The following PALM2AKAP2 variants were observed in gnomAD, a reference collection of about 807,000 sequenced individuals.
PALM2AKAP2 encodes the protein PALM2 and AKAP2 fusion.
Under a neutral mutation model 71.5 loss-of-function variants are expected in PALM2AKAP2, and 37 were observed. The ratio of observed to expected loss-of-function variants is 0.52; its 90% confidence interval spans 0.40 to 0.68. PALM2AKAP2 has a LOEUF of 0.68. Among genes scored for constraint, PALM2AKAP2 ranks in the 30% least tolerant of loss-of-function variants. PALM2AKAP2 has a pLI of 0.00. For missense variants in PALM2AKAP2, 1,224 were observed against 1,191.8 expected, an observed-to-expected ratio of 1.03 and a Z score of -0.40; for synonymous variants, 468 against 478.8, an observed-to-expected ratio of 0.98 and a Z score of 0.29.
At chr9:109,845,031 G>A (rs1463113114) in intron 1 of PALM2AKAP2, among the ~76,000 whole-genome samples, 3 of 152,158 alleles carry the variant, frequency 2.0e-5, no homozygotes, top group African/African-American at 4.8e-5. Flanking sequence ...TGAAGATGCA[G>A]TGTAGCATCC....
At chr9:110,117,714 C>T (rs1431977848) in intron 1 of PALM2AKAP2, among the ~76,000 whole-genome samples, 1 of 152,078 alleles carries the variant, frequency 6.6e-6, no homozygotes, top group Non-Finnish European at 1.5e-5. Flanking sequence ...TGAATCCATT[C>T]CTGGGTTGAC....
intron 1 of PALM2AKAP2, 150 bp from the exon 2 acceptor site, chr9:109,867,341 A>G (rs1829478804): frequency 6.3e-6 from 5 of 792,010 alleles, no homozygotes; most frequent in South Asian, 6.0e-5. Flanking sequence ...ACACACCCAG[A>G]GACGGTGGGG....
chr9:110,077,657 A>G (rs1834351036), intron 1 of PALM2AKAP2, among the ~76,000 whole-genome samples: 1 of 152,198 alleles, frequency 6.6e-6, no homozygotes, highest in African/African-American at 2.4e-5. Flanking sequence ...TGGTTCTCCT[A>G]CAGATACATC....
chr9:109,770,863 C>T (rs35603010), intron 1 of PALM2AKAP2, among the ~76,000 whole-genome samples: 43,557 of 152,116 alleles, frequency 0.29, 7,826 homozygotes, highest in African/African-American at 0.48. Flanking sequence ...CTGCAATATG[C>T]CAGGAGCTTT....
chr9:110,166,281 A>T (rs1836731604), intron 3 of PALM2AKAP2, among the ~76,000 whole-genome samples: 1 of 152,156 alleles, frequency 6.6e-6, no homozygotes, highest in Admixed American at 6.5e-5. Context: ...GGGGTAAGTG[A>T]CTTTTCCAAG....
At chr9:109,741,251 A>G (rs1455970232) in intron 1 of PALM2AKAP2, among the ~76,000 whole-genome samples, 2 of 152,178 alleles carry the variant, frequency 1.3e-5, no homozygotes, top group African/African-American at 4.8e-5. Context: ...TCTTTCACTC[A>G]ATGGAATGTT....
At chr9:109,853,142 G>A (rs1829065747) in intron 1 of PALM2AKAP2, among the ~76,000 whole-genome samples, 1 of 152,158 alleles carries the variant, frequency 6.6e-6, no homozygotes, top group South Asian at 2.1e-4. Context: ...GTCCTCATCT[G>A]TAATGGAGGG....
intron 1 of PALM2AKAP2, among the ~76,000 whole-genome samples, chr9:110,134,290 A>AT (rs1188392101): frequency 3.9e-5 from 6 of 152,162 alleles, no homozygotes; most frequent in Non-Finnish European, 8.8e-5. Flanking sequence ...TAAAAAAAAA[A>AT]AGGAAGGTGG....
intron 3 of PALM2AKAP2, among the ~76,000 whole-genome samples, chr9:109,887,224 T>C (rs1156885564): frequency 1.3e-5 from 2 of 152,250 alleles, no homozygotes; most frequent in South Asian, 2.1e-4. Context: ...CTTACAACTG[T>C]TCTAGAAAAG....
chr9:110,044,344 C>CTTTCTT (rs1447796273), upstream of PALM2AKAP2, among the ~76,000 whole-genome samples: 2 of 80,154 alleles, frequency 2.5e-5, no homozygotes, highest in African/African-American at 1.1e-4. Context: ...TTCTTTCTTT[C>CTTTCTT]TTTTTTTTTT....
At chr9:110,073,433 C>A (rs1332654976) in intron 1 of PALM2AKAP2, among the ~76,000 whole-genome samples, 1 of 152,156 alleles carries the variant, frequency 6.6e-6, no homozygotes. Flanking sequence ...TACATGGACA[C>A]TTGACACTCT....
chr9:109,692,346 T>G (rs1161494335), intron 1 of PALM2AKAP2, among the ~76,000 whole-genome samples: 2 of 151,726 alleles, frequency 1.3e-5, no homozygotes, highest in Non-Finnish European at 2.9e-5. Context: ...AAGGTTTGGG[T>G]TTTTTTTACA....
intron 7 of PALM2AKAP2, among the ~76,000 whole-genome samples, chr9:110,031,682 G>A (rs1833279729): frequency 6.6e-6 from 1 of 152,136 alleles, no homozygotes; most frequent in Admixed American, 6.5e-5. Context: ...CAGACAAGGA[G>A]TGCTGGAGCC....
chr9:109,924,930 C>T (rs533267265), intron 4 of PALM2AKAP2, 131 bp from the exon 5 acceptor site: 15 of 1,299,992 alleles, frequency 1.2e-5, no homozygotes, highest in African/African-American at 6.0e-5. Context: ...GAGATCGTTG[C>T]GTTTCCCCAG....
At chr9:109,735,818 A>T (rs1315322704) in intron 1 of PALM2AKAP2, among the ~76,000 whole-genome samples, 2 of 152,198 alleles carry the variant, frequency 1.3e-5, no homozygotes, top group Non-Finnish European at 2.9e-5. Context: ...GGAGGAAGAG[A>T]AACAAAAAAG....
At chr9:110,009,008 A>G (rs944533825) in intron 6 of PALM2AKAP2, among the ~76,000 whole-genome samples, 1 of 152,194 alleles carries the variant, frequency 6.6e-6, no homozygotes, top group South Asian at 2.1e-4. Context: ...AGGAGAAAGA[A>G]CTGGGAATAT....
intron 1 of PALM2AKAP2, among the ~76,000 whole-genome samples, chr9:109,671,425 T>G (rs117914628): frequency 0.027 from 4,097 of 152,274 alleles, 98 homozygotes; most frequent in Non-Finnish European, 0.042. Context: ...GTGTACAGTC[T>G]TATTCTTGGG....
At chr9:109,768,384 AC>A (rs1211040157) in intron 1 of PALM2AKAP2, among the ~76,000 whole-genome samples, 1 of 152,214 alleles carries the variant, frequency 6.6e-6, no homozygotes, top group Non-Finnish European at 1.5e-5. Flanking sequence ...TTTTATTGAT[AC>A]ATAATGTTTG....
chr9:109,851,163 G>T lies in PALM2AKAP2; in HGVS notation c.46-16328G>T, dbSNP rs2795059. On this transcript the variant is annotated intron_variant, in intron 1 of 9. Coordinates refer to the PALM2AKAP2 transcript ENST00000302798. ...CTGCACTCCAGCCTGGGCAACAGAG[G>T]GAGACTCCGTCTCAACAACAACAAC... is the stretch of plus-strand genomic sequence containing the variant. Among the ~76,000 whole-genome samples, 229 of 151,160 alleles carry T rather than the reference G, an allele frequency of 1.5e-3. 1 individual carries two copies. The highest frequency in any genetic ancestry group is 5.2e-3 in the African/African-American group (214 of 41,102).
Sources: gnomAD v4.1 joint callset for allele counts (sites outside exome capture counted in the v4.1 genomes callset) on GRCh38, gnomAD v4.1.1 for gene constraint, MANE v1.5 for transcripts, NCBI Gene and HGNC (gene_info 2026-07-23, HGNC 2026-07-21) for gene names.